PDC: variants seen among roughly 807,000 people sequenced by gnomAD.
The protein encoded by PDC is phosducin.
Under a neutral mutation model 22.2 loss-of-function variants are expected in PDC, and 19 were observed. The observed-to-expected ratio is 0.86, with a 90% CI of 0.60 to 1.26. The LOEUF (loss-of-function observed/expected upper bound fraction) is 1.26, where lower values mean the gene tolerates loss of function less well. PDC is among the 50% of genes most tolerant of loss of function. PDC has a pLI of 0.00. For synonymous variants in PDC, 97 were observed against 96.2 expected, an observed-to-expected ratio of 1.01 and a Z score of -0.05; for missense variants, 274 against 286.8, an observed-to-expected ratio of 0.96 and a Z score of 0.32.
chr1:186,446,281 GTTCAC>G (rs1662225476), intron 3 of PDC, 140 bp downstream of exon 3: 2 of 516,822 alleles, frequency 3.9e-6, no homozygotes, highest in South Asian at 7.9e-5. Context: ...CACAATAGGT[GTTCAC>G]TTCATTTCCA....
At chr1:186,448,704 A>C (rs2774529) in intron 2 of PDC, 143 of 956,890 alleles carry the variant, frequency 1.5e-4, no homozygotes, top group Non-Finnish European at 1.6e-4. Context: ...TTGCTATTAT[A>C]AAATAAATCT....
At chr1:186,460,714 G>T (rs937470599) in intron 1 of PDC, among the ~76,000 whole-genome samples, 4 of 152,100 alleles carry the variant, frequency 2.6e-5, no homozygotes, top group Admixed American at 6.5e-5. Context: ...AACATAAAGT[G>T]CAAGGACTCA....
At position 186,455,994 on chromosome 1, in the gene PDC, A is replaced by AAT. The variant is rs71104863; in HGVS notation, c.-25+5063_-25+5064dup. The stretch of plus-strand genomic sequence containing the variant: ...CTCAAAAAAAAAAAAAAAAAAAAAA[A>AAT]ATATATATATATATATATATATATA... On this transcript the variant is annotated intron_variant, in intron 1 of 3. Transcript: ENST00000391997. 1.6e-3 allele frequency among the ~76,000 whole-genome samples: 121 copies of AAT among 77,072 alleles called. 1 individual carries two copies. Among genetic ancestry groups the AAT allele is most frequent in the East Asian group, 2.4e-3 (6 of 2,510 alleles). 50.6% of individuals were successfully genotyped at this position (77,072 alleles called of 152,430 possible).
chr1:186,445,785 C>A (rs1380837478), intron 3 of PDC, among the ~76,000 whole-genome samples: 4 of 152,192 alleles, frequency 2.6e-5, no homozygotes, highest in South Asian at 4.1e-4. Context: ...CAGAATGAGA[C>A]TCTGTCTCAA....
chr1:186,457,576 G>A (rs1342779006), intron 1 of PDC, among the ~76,000 whole-genome samples: 1 of 152,048 alleles, frequency 6.6e-6, no homozygotes, highest in Admixed American at 6.6e-5. Flanking sequence ...TATCTTTTCT[G>A]AATTTCAGTT....
chr1:186,451,207 ATTTGAGT>A (rs1662348634), intron 1 of PDC: 1 of 152,206 alleles, frequency 6.6e-6, no homozygotes, highest in African/African-American at 2.4e-5. Context: ...GTCTTTGCCA[ATTTGAGT>A]TTTTCCACTT....
chr1:186,458,427 A>C (rs1222426455), intron 1 of PDC, among the ~76,000 whole-genome samples: 1 of 149,336 alleles, frequency 6.7e-6, no homozygotes, highest in East Asian at 1.9e-4. Flanking sequence ...TTGTCAGTGC[A>C]CGCTGGTTGT....
Position 186,449,625 on chromosome 1 carries a change from G to A in PDC, c.-24-142C>T. ...TAAGTAGGCTAAGGATAATCACTCA[G>A]TGGTAAAGTAAGTGGTAAAGTATTT... On this transcript the variant is annotated intron_variant, in intron 1 of 3. Coordinates refer to ENST00000391997, the MANE Select transcript of PDC (RefSeq NM_002597.5). 4.4e-6 allele frequency: 2 copies of A among 450,570 alleles called. 1 individual carries two copies. Among genetic ancestry groups the A allele is most frequent in the South Asian group, 1.3e-4 (2 of 15,868 alleles). 27.9% of individuals were successfully genotyped at this position (450,570 alleles called of 1,614,324 possible).
At chr1:186,459,552 T>G (rs1460791086) in intron 1 of PDC, among the ~76,000 whole-genome samples, 2 of 152,080 alleles carry the variant, frequency 1.3e-5, no homozygotes, top group African/African-American at 4.8e-5. Flanking sequence ...CCTGTACATA[T>G]TGTTTGAATT....
chr1:186,460,260 GT>G (rs1441397988), intron 1 of PDC, among the ~76,000 whole-genome samples: 1 of 152,136 alleles, frequency 6.6e-6, no homozygotes, highest in East Asian at 1.9e-4. Flanking sequence ...CAATTTGCAA[GT>G]TTTAGATTTG....
chr1:186,454,091 T>G (rs1361263543), intron 1 of PDC, among the ~76,000 whole-genome samples: 1 of 152,058 alleles, frequency 6.6e-6, no homozygotes, highest in Non-Finnish European at 1.5e-5. Context: ...TTGAATGATA[T>G]ATTTTCGCTT....
At chr1:186,447,772 T>C (rs1662264177) in intron 2 of PDC, among the ~76,000 whole-genome samples, 1 of 152,088 alleles carries the variant, frequency 6.6e-6, no homozygotes, top group South Asian at 2.1e-4. Context: ...AATCAAAGCT[T>C]TTTGTTTTCA....
chr1:186,460,500 G>T (rs1662561224), intron 1 of PDC, among the ~76,000 whole-genome samples: 1 of 152,126 alleles, frequency 6.6e-6, no homozygotes, highest in Admixed American at 6.5e-5. Flanking sequence ...TTTATTATTA[G>T]TGATTATGGT....
intron 1 of PDC, among the ~76,000 whole-genome samples, chr1:186,454,160 T>TTTTC (rs1354288063): frequency 2.6e-4 from 38 of 147,950 alleles, no homozygotes; most frequent in Non-Finnish European, 4.0e-4. Context: ...TATTTCTTTC[T>TTTTC]TTTCTTTCTT....
At chr1:186,448,770 A>G (rs986147528) in intron 2 of PDC, 5 of 319,316 alleles carry the variant, frequency 1.6e-5, no homozygotes, top group African/African-American at 1.1e-4. Flanking sequence ...GCTAAATTTA[A>G]TGGCTCAATC....
In PDC at chr1:186,444,190, G is replaced by T; in HGVS notation, c.530C>A (p.Ala177Asp). The T allele has an allele frequency of 6.2e-7, 1 of 1,613,760 alleles. No homozygotes were observed. The highest frequency in any genetic ancestry group is 8.5e-7 in the Non-Finnish European group (1 of 1,179,698). ...FCKIKASNTG[A>D]GDRFSLDVLP... ...TACATCTAAGGAAAAGCGGTCCCCA[G>T]CACCTGTATTCGAAGCTTTTATTTT... Residue 177 changes from alanine to aspartate, a missense_variant, in exon 4 of 4, where the codon GCT (alanine) becomes GAT (aspartate). Physicochemically the swap from Ala to Asp is moderately radical, Grantham distance 126 (BLOSUM62 -2). Transcript: ENST00000391997.
chr1:186,459,620 A>T (rs1662538828), intron 1 of PDC, among the ~76,000 whole-genome samples: 1 of 151,600 alleles, frequency 6.6e-6, no homozygotes. Flanking sequence ...CTTATATAAT[A>T]TCAAATCCAC....
At chr1:186,456,679 C>T (rs571163612) in intron 1 of PDC, among the ~76,000 whole-genome samples, 13 of 152,054 alleles carry the variant, frequency 8.5e-5, no homozygotes, top group Admixed American at 1.3e-4. Flanking sequence ...TACATGAGAG[C>T]ATATATTCAT....
chr1:186,448,665 T>G (rs1662286601), intron 2 of PDC: 1 of 958,596 alleles, frequency 1.0e-6, no homozygotes, highest in Non-Finnish European at 1.2e-6. Context: ...GTTTTTGTTT[T>G]TGTCATAATT....
Sources: gnomAD v4.1 joint callset for allele counts (sites outside exome capture counted in the v4.1 genomes callset) on GRCh38, gnomAD v4.1.1 for gene constraint, MANE v1.5 for transcripts, NCBI Gene and HGNC (gene_info 2026-07-23, HGNC 2026-07-21) for gene names.